Variants in CTIF observed in about 807,000 individuals in gnomAD.
The protein encoded by CTIF is CBP80/20-dependent translation initiation factor.
Under a neutral mutation model 66.0 loss-of-function variants are expected in CTIF, and 21 were observed. The ratio of observed to expected loss-of-function variants is 0.32; its 90% CI spans 0.23 to 0.46. The LOEUF (loss-of-function observed/expected upper bound fraction) is 0.46. Among genes scored for constraint, CTIF ranks in the 20% least tolerant of loss-of-function variants. CTIF has a pLI of 1.00. For synonymous variants in CTIF, 345 were observed against 326.4 expected (o/e 1.06, Z -0.62); for missense variants, 739 against 812.7 (o/e 0.91, Z 1.10).
chr18:48,674,732 G>A (rs1467665530), intron 6 of CTIF, among the ~76,000 whole-genome samples: 2 of 152,194 alleles, frequency 1.3e-5, no homozygotes, highest in African/African-American at 4.8e-5. Flanking sequence ...GGGCAACAGG[G>A]TAGACAGTAG....
At chr18:48,659,152 C>G (rs911710641) in intron 3 of CTIF, among the ~76,000 whole-genome samples, 1 of 152,074 alleles carries the variant, frequency 6.6e-6, no homozygotes, top group African/African-American at 2.4e-5. Context: ...GCCATTGAAA[C>G]AAACCCCAAG....
chr18:48,651,330 G>T (rs528481205), intron 3 of CTIF, among the ~76,000 whole-genome samples: 1 of 152,258 alleles, frequency 6.6e-6, no homozygotes, highest in Admixed American at 6.5e-5. Context: ...ACAAAAAAAG[G>T]CAGGGGTTGC....
At chr18:48,601,889 G>C (rs1220483648) in intron 1 of CTIF, among the ~76,000 whole-genome samples, 2 of 152,236 alleles carry the variant, frequency 1.3e-5, no homozygotes, top group Non-Finnish European at 2.9e-5. Context: ...CCAGGCTCTG[G>C]GATTTGGGGT....
intron 1 of CTIF, among the ~76,000 whole-genome samples, chr18:48,573,970 C>T (rs973437838): frequency 2.0e-5 from 3 of 152,258 alleles, no homozygotes; most frequent in Non-Finnish European, 4.4e-5. Context: ...GCATCCCCAG[C>T]AGTGCTTGGC....
rs1318784992 is a variant in CTIF at position 48,852,496 on chromosome 18, C to T, written c.1528-5092C>T. On this transcript the variant is annotated intron_variant, in intron 10 of 11. Coordinates refer to ENST00000256413, the MANE Select transcript of CTIF (RefSeq NM_014772.3). Reference sequence around the variant, plus strand: ...CTTTTTCTAGAACCTGCTTACTAATCTTTATCCCGGCCTCTTGGGTCCTCT... The same window carrying T: ...CTTTTTCTAGAACCTGCTTACTAATTTTTATCCCGGCCTCTTGGGTCCTCT... Among the ~76,000 whole-genome samples, 3 of 152,110 alleles carry T rather than the reference C, an allele frequency of 2.0e-5. No homozygotes were observed. In the East Asian group the frequency reaches 5.8e-4, roughly 29 times the overall value.
chr18:48,728,566 C>G (rs9961657), intron 7 of CTIF, among the ~76,000 whole-genome samples: 21,552 of 152,068 alleles, frequency 0.14, 1,643 homozygotes, highest in African/African-American at 0.19. Context: ...GGTCATCTGA[C>G]ACTTGACTCA....
At chr18:48,557,791 C>T (rs2089057480) in intron 1 of CTIF, among the ~76,000 whole-genome samples, 1 of 152,230 alleles carries the variant, frequency 6.6e-6, no homozygotes, top group Non-Finnish European at 1.5e-5. Context: ...AGACAGCTGC[C>T]CTCTTGCTGG....
At chr18:48,685,107 A>G (rs559979901) in intron 6 of CTIF, among the ~76,000 whole-genome samples, 2 of 148,212 alleles carry the variant, frequency 1.3e-5, no homozygotes, top group South Asian at 4.3e-4. Flanking sequence ...TTATCTCCTC[A>G]ATCTTTCTTT....
chr18:48,786,144 G>A (rs527819673), intron 9 of CTIF, among the ~76,000 whole-genome samples: 8 of 152,280 alleles, frequency 5.3e-5, no homozygotes, highest in African/African-American at 1.9e-4. Flanking sequence ...GCCAGCTGAA[G>A]GAGCTCAGAG....
At chr18:48,667,517 C>A (rs1248571147) in intron 5 of CTIF, among the ~76,000 whole-genome samples, 1 of 152,156 alleles carries the variant, frequency 6.6e-6, no homozygotes, top group African/African-American at 2.4e-5. Context: ...TTATTGACTA[C>A]AGGTGCCCAA....
intron 7 of CTIF, among the ~76,000 whole-genome samples, chr18:48,733,023 G>A (rs2092469530): frequency 6.6e-6 from 1 of 152,234 alleles, no homozygotes; most frequent in Admixed American, 6.5e-5. Context: ...AGAAGGAGGA[G>A]GAGGAGCGTT....
intron 5 of CTIF, among the ~76,000 whole-genome samples, chr18:48,668,694 G>A (rs563646021): frequency 9.5e-4 from 145 of 152,138 alleles, no homozygotes; most frequent in Middle Eastern, 3.4e-3. Flanking sequence ...TGCCTGCGCC[G>A]TGTCAGCCTG....
chr18:48,816,710 T>C (rs1303156713), intron 9 of CTIF, among the ~76,000 whole-genome samples: 1 of 152,214 alleles, frequency 6.6e-6, no homozygotes, highest in Non-Finnish European at 1.5e-5. Flanking sequence ...AGGGACGGGC[T>C]GTAGCTGTGT....
At chr18:48,718,608 G>C (rs1293609692) in intron 7 of CTIF, among the ~76,000 whole-genome samples, 1 of 152,100 alleles carries the variant, frequency 6.6e-6, no homozygotes, top group Admixed American at 6.5e-5. Flanking sequence ...TCTGCCTTTT[G>C]TTCTGTTTGG....
At chr18:48,664,382 TGGTTCC>T in intron 4 of CTIF, 59 bp from the exon 5 acceptor site, 1 of 1,414,176 alleles carries the variant, frequency 7.1e-7, no homozygotes, top group African/African-American at 1.4e-5. Flanking sequence ...CCTGGCCCCC[TGGTTCC>T]GTCAGTAACT....
chr18:48,833,317 G>A (rs1044128206), intron 10 of CTIF, among the ~76,000 whole-genome samples: 1 of 152,186 alleles, frequency 6.6e-6, no homozygotes, highest in Non-Finnish European at 1.5e-5. Flanking sequence ...GAGTGGAAGT[G>A]CCCACCAGTG....
chr18:48,569,756 A>C (rs2089368861), intron 1 of CTIF, among the ~76,000 whole-genome samples: 1 of 151,282 alleles, frequency 6.6e-6, no homozygotes, highest in African/African-American at 2.4e-5. Context: ...TTTGCTCCCC[A>C]GTGTCTTTGC....
At position 48,839,299 on chromosome 18, in the gene CTIF, C is replaced by G. The variant is rs563049458; in HGVS notation, c.1528-18289C>G. Among the ~76,000 whole-genome samples the G allele has an allele frequency of 2.6e-5, 4 of 152,240 alleles. No homozygotes were observed. The East Asian group carries it at 7.7e-4, about 29-fold the overall frequency. On this transcript the variant is annotated intron_variant, in intron 10 of 11. Coordinates refer to ENST00000256413, the MANE Select transcript of CTIF (RefSeq NM_014772.3). Reference sequence around the variant, plus strand: ...CTTCCCTCTCTTCCTCTCCTCACCCCACTCTCCTGGCTGTAGCTTCAAAGG... The same window carrying G: ...CTTCCCTCTCTTCCTCTCCTCACCCGACTCTCCTGGCTGTAGCTTCAAAGG...
intron 8 of CTIF, among the ~76,000 whole-genome samples, chr18:48,759,658 T>TAA (rs1908762821): frequency 6.6e-6 from 1 of 152,236 alleles, no homozygotes; most frequent in East Asian, 1.9e-4. Flanking sequence ...AAATGGGTGT[T>TAA]AATACTACAC....
Sources: allele counts gnomAD v4.1 joint callset (sites outside exome capture counted in the v4.1 genomes callset), GRCh38; gene constraint gnomAD v4.1.1; transcripts MANE v1.5; gene names NCBI Gene and HGNC (gene_info 2026-07-23, HGNC 2026-07-21).